Variants in FSTL5 observed in about 807,000 individuals in gnomAD.
The protein encoded by FSTL5 is follistatin like 5.
A neutral mutation model predicts 89.1 loss-of-function variants in FSTL5; 62 were observed. That is an observed-to-expected ratio of 0.70 (90% CI 0.57 to 0.86). The LOEUF (loss-of-function observed/expected upper bound fraction) is 0.86. FSTL5 is among the 40% of genes least tolerant of loss of function. The pLI, the probability that FSTL5 is intolerant of heterozygous loss-of-function variation, is 0.00. For synonymous variants in FSTL5, 383 were observed against 346.2 expected (o/e 1.11, Z -1.18); for missense variants, 1,057 against 1,001.6 (o/e 1.06, Z -0.75).
chr4:161,882,884 A>G (rs1387513380), intron 4 of FSTL5, among the ~76,000 whole-genome samples: 1 of 152,140 alleles, frequency 6.6e-6, no homozygotes, highest in African/African-American at 2.4e-5. Context: ...GCATGTAGGA[A>G]GATAATGGTT....
At chr4:162,119,037 T>C (rs1352965002) in intron 1 of FSTL5, among the ~76,000 whole-genome samples, 1 of 152,000 alleles carries the variant, frequency 6.6e-6, no homozygotes, top group African/African-American at 2.4e-5. Flanking sequence ...GACTGGGCAA[T>C]ATAGCAAGAC....
intron 1 of FSTL5, among the ~76,000 whole-genome samples, chr4:162,131,850 TCA>T (rs1732313332): frequency 6.6e-6 from 1 of 152,190 alleles, no homozygotes. Context: ...TTTACACTTA[TCA>T]GATTTTGGCA....
chr4:161,503,150 CTA>C (rs1730358771), intron 11 of FSTL5, among the ~76,000 whole-genome samples: 1 of 151,594 alleles, frequency 6.6e-6, no homozygotes, highest in South Asian at 2.1e-4. Flanking sequence ...AATAATTATA[CTA>C]TGTCATGCAG....
chr4:161,851,608 T>G (rs1731551492), intron 4 of FSTL5, among the ~76,000 whole-genome samples: 1 of 152,140 alleles, frequency 6.6e-6, no homozygotes, highest in African/African-American at 2.4e-5. Flanking sequence ...ATAACATTGT[T>G]ATATTTTGCC....
intron 2 of FSTL5, among the ~76,000 whole-genome samples, chr4:162,048,232 C>G (rs1738261793): frequency 1.3e-5 from 2 of 151,934 alleles, no homozygotes; most frequent in African/African-American, 4.8e-5. Context: ...GAGGCTGAGG[C>G]AGGAGAATTG....
chr4:161,861,259 C>T (rs968669044), intron 4 of FSTL5, among the ~76,000 whole-genome samples: 4 of 152,100 alleles, frequency 2.6e-5, no homozygotes, highest in Non-Finnish European at 4.4e-5. Flanking sequence ...CCCGTATCTA[C>T]TAAAAATACA....
At chr4:161,531,094 A>G (rs1731397249) in intron 10 of FSTL5, among the ~76,000 whole-genome samples, 1 of 152,158 alleles carries the variant, frequency 6.6e-6, no homozygotes, top group Non-Finnish European at 1.5e-5. Context: ...TTAGTTATGA[A>G]AACCTATCTC....
intron 4 of FSTL5, among the ~76,000 whole-genome samples, chr4:161,862,167 C>T (rs1731937475): frequency 6.6e-6 from 1 of 152,134 alleles, no homozygotes; most frequent in African/African-American, 2.4e-5. Context: ...ACTTGTGATA[C>T]TTCATCATTG....
chr4:162,078,710 C>T (rs1015822874), intron 2 of FSTL5, among the ~76,000 whole-genome samples: 90 of 151,836 alleles, frequency 5.9e-4, no homozygotes, highest in African/African-American at 2.1e-3. Context: ...GTTTAAATAG[C>T]CATTTGACAA....
chr4:161,896,476 C>A (rs925594285), intron 4 of FSTL5, among the ~76,000 whole-genome samples: 1 of 152,264 alleles, frequency 6.6e-6, no homozygotes, highest in Middle Eastern at 3.4e-3. Context: ...CATACACACA[C>A]ACCCCTACAT....
chr4:161,692,985 G>A (rs1361973692), intron 6 of FSTL5, among the ~76,000 whole-genome samples: 2 of 152,150 alleles, frequency 1.3e-5, no homozygotes, highest in African/African-American at 2.4e-5. Flanking sequence ...TCCTCCCAAA[G>A]TGCTGGGATT....
intron 7 of FSTL5, among the ~76,000 whole-genome samples, chr4:161,608,480 GA>G (rs1247134036): frequency 1.3e-5 from 2 of 151,862 alleles, no homozygotes; most frequent in Non-Finnish European, 2.9e-5. Flanking sequence ...TTTTTGGGGG[GA>G]AATAAACAGG....
intron 7 of FSTL5, among the ~76,000 whole-genome samples, chr4:161,653,261 C>T (rs1736402635): frequency 6.6e-6 from 1 of 152,130 alleles, no homozygotes; most frequent in African/African-American, 2.4e-5. Context: ...CTATTGGAGA[C>T]CCCATTGTAG....
At chr4:161,718,881 G>A (rs369394489) in intron 6 of FSTL5, among the ~76,000 whole-genome samples, 3 of 152,056 alleles carry the variant, frequency 2.0e-5, no homozygotes, top group African/African-American at 4.8e-5. Flanking sequence ...CTGAATCATC[G>A]TATACTTATT....
intron 15 of FSTL5, among the ~76,000 whole-genome samples, chr4:161,447,868 A>G (rs62326373): frequency 0.085 from 12,984 of 152,192 alleles, 722 homozygotes; most frequent in Non-Finnish European, 0.12. Context: ...AGGCATATAT[A>G]AAAGTATACG....
Position 161,912,324 on chromosome 4 carries a change from C to T in FSTL5, c.409+8080G>A, listed in dbSNP as rs139290652. ...GGGAGGTGACATGGTTTGGCTGTGT[C>T]CCCACCCAAAACTCAACTTGAATTG... On this transcript the variant is annotated intron_variant, in intron 4 of 15. Transcript: ENST00000306100. 8.4e-3 allele frequency among the ~76,000 whole-genome samples: 1,271 copies of T among 152,030 alleles called. 12 individuals are homozygous for T. Among genetic ancestry groups the T allele is most frequent in the Middle Eastern group, 0.02 (6 of 294 alleles).
chr4:161,854,178 AG>A (rs1341212840), intron 4 of FSTL5, among the ~76,000 whole-genome samples: 1 of 152,180 alleles, frequency 6.6e-6, no homozygotes, highest in Non-Finnish European at 1.5e-5. Context: ...AATCTTAGGA[AG>A]GACTTCTGGT....
At position 161,565,224 on chromosome 4, in the gene FSTL5, T is replaced by TATCATCATCATC. The variant is rs59471047; in HGVS notation, c.1015+22219_1015+22230dup. Among the ~76,000 whole-genome samples the TATCATCATCATC allele has an allele frequency of 2.4e-3, 362 of 150,306 alleles. 2 individuals are homozygous for TATCATCATCATC. Among genetic ancestry groups the TATCATCATCATC allele is most frequent in the African/African-American group, 4.1e-3 (166 of 40,960 alleles). ...TGGGATTCATTTGACATATCTTGCC[T>TATCATCATCATC]ATCATCATCATCATCATCATCATAT... On this transcript the variant is annotated intron_variant, in intron 8 of 15. Coordinates refer to ENST00000306100, the MANE Select transcript of FSTL5 (RefSeq NM_020116.5).
In FSTL5 at chr4:161,883,065, A is replaced by G. The variant is rs974766359; in HGVS notation, c.409+37339T>C. ...TAATTCTGTGTTGAGTCAGCTAAAGATATGTTTAGGATGTTTGGAAACCAT... is the reference window on the plus strand; with the variant it reads ...TAATTCTGTGTTGAGTCAGCTAAAGGTATGTTTAGGATGTTTGGAAACCAT... On this transcript the variant is annotated intron_variant, in intron 4 of 15. Coordinates refer to ENST00000306100, the MANE Select transcript of FSTL5 (RefSeq NM_020116.5). Among the ~76,000 whole-genome samples, 5 of 152,176 alleles carry G rather than the reference A, an allele frequency of 3.3e-5. No individual in the cohort carries two copies. In the East Asian group the frequency reaches 9.6e-4, roughly 29 times the overall value.
Sources: allele counts gnomAD v4.1 joint callset (sites outside exome capture counted in the v4.1 genomes callset), GRCh38; gene constraint gnomAD v4.1.1; transcripts MANE v1.5; gene names NCBI Gene and HGNC (gene_info 2026-07-23, HGNC 2026-07-21).